Variants in C2CD3 observed in about 807,000 individuals in gnomAD.
C2CD3 encodes the protein C2 domain containing 3 centriole elongation regulator.
In C2CD3, 148 loss-of-function variants were observed where a neutral mutation model predicts 234.0. That is an observed-to-expected ratio of 0.63 (90% CI 0.55 to 0.72). The LOEUF is 0.72. C2CD3 is among the 30% of genes least tolerant of loss of function. C2CD3 has a pLI of 0.00. For synonymous variants in C2CD3, 1,000 were observed against 1,035.4 expected (o/e 0.97, Z 0.66); for missense variants, 2,577 against 2,811.5 (o/e 0.92, Z 1.89).
chr11:74,151,127 T>C (rs959991919), intron 3 of C2CD3, among the ~76,000 whole-genome samples: 2 of 152,062 alleles, frequency 1.3e-5, no homozygotes, highest in African/African-American at 4.8e-5. Flanking sequence ...GGTTTCACTA[T>C]ATTGGGCAGG....
intron 29 of C2CD3, among the ~76,000 whole-genome samples, chr11:74,039,701 G>A (rs1166008091): frequency 1.3e-5 from 2 of 152,174 alleles, no homozygotes; most frequent in African/African-American, 4.8e-5. Context: ...AGTGGGAGAG[G>A]GGTGCTACTG....
intron 7 of C2CD3, chr11:74,128,465 A>C (rs1228100905): frequency 6.6e-6 from 1 of 152,190 alleles, no homozygotes; most frequent in Non-Finnish European, 1.5e-5. Flanking sequence ...ATTCAAGGTC[A>C]CAGATTTACC....
At chr11:74,118,190 T>C in intron 9 of C2CD3, 38 bp downstream of exon 9, 1 of 1,561,652 alleles carries the variant, frequency 6.4e-7, no homozygotes, top group Non-Finnish European at 8.7e-7. Flanking sequence ...TAACATTCCT[T>C]TGTGTTTACC....
At chr11:74,091,020 G>A in intron 19 of C2CD3, 84 bp from the exon 20 acceptor site, 1 of 1,443,274 alleles carries the variant, frequency 6.9e-7, no homozygotes, top group African/African-American at 1.4e-5. Flanking sequence ...CAGGAAGGAT[G>A]GAAGAGGATT....
chr11:74,051,410 A>C (rs1376952683), intron 26 of C2CD3, among the ~76,000 whole-genome samples: 1 of 152,190 alleles, frequency 6.6e-6, no homozygotes, highest in African/African-American at 2.4e-5. Flanking sequence ...CTGGGGATGA[A>C]GTATGATGGA....
chr11:74,048,260 G>A lies in C2CD3; in HGVS notation c.5440C>T (p.Leu1814=), dbSNP rs777892438. ...GAGGAGGCATGAGCAAGTTGGTCTA[G>A]GGTCTGCCTTGCCATGTGGCTGGAG... ...AFSSHMARQT[L]DQLAHASSKE... The change falls in exon 28 of 33, where the codon CTA becomes TTA. Residue 1814 remains leucine (L), a synonymous_variant. Coordinates refer to ENST00000334126, the MANE Select transcript of C2CD3 (RefSeq NM_001286577.2). The A allele has an allele frequency of 6.2e-7, 1 of 1,613,756 alleles. No homozygotes were observed. The highest frequency in any genetic ancestry group is 8.5e-7 in the Non-Finnish European group (1 of 1,179,792).
chr11:74,069,079 T>C (rs144917990), intron 24 of C2CD3, among the ~76,000 whole-genome samples: 3,307 of 152,358 alleles, frequency 0.022, 67 homozygotes, highest in African/African-American at 0.046. Context: ...ATTACAGGCA[T>C]AAGCCACTGC....
chr11:74,041,903 G>A, intron 29 of C2CD3, 151 bp downstream of exon 29: 1 of 696,714 alleles, frequency 1.4e-6, no homozygotes, highest in East Asian at 2.7e-5. Context: ...GAGGCTCCAG[G>A]GTCCAACCTG....
At chr11:74,118,526 A>G (rs1230614283) in intron 8 of C2CD3, 144 bp from the exon 9 acceptor site, 2 of 565,250 alleles carry the variant, frequency 3.5e-6, no homozygotes, top group Non-Finnish European at 6.1e-6. Context: ...AGATAATCCC[A>G]TATTTCTCCT....
chr11:74,097,176 A>G (rs186551906), intron 16 of C2CD3, among the ~76,000 whole-genome samples: 22 of 152,206 alleles, frequency 1.4e-4, no homozygotes, highest in Middle Eastern at 3.4e-3. Flanking sequence ...CTAACAAATA[A>G]CTAAGAAAAA....
chr11:74,108,575 A>G (rs1232617807), intron 12 of C2CD3, among the ~76,000 whole-genome samples: 1 of 152,210 alleles, frequency 6.6e-6, no homozygotes, highest in Non-Finnish European at 1.5e-5. Flanking sequence ...AGGAAGTAGA[A>G]CCTCAAATTA....
intron 27 of C2CD3, among the ~76,000 whole-genome samples, chr11:74,048,606 A>C (rs898952688): frequency 1.1e-4 from 16 of 152,158 alleles, no homozygotes; most frequent in African/African-American, 2.9e-4. Flanking sequence ...TCCAGCTATT[A>C]ATACACTGTA....
At position 74,060,729 on chromosome 11, in the gene C2CD3, C is replaced by G. The variant is rs1474027893; in HGVS notation, c.4952-3185G>C. Reference sequence around the variant, plus strand: ...GAGCGCCTCTCCTCCTCCAAAGGAACACAGCTCTTCGCCAGCAACGGAACA... The same window carrying G: ...GAGCGCCTCTCCTCCTCCAAAGGAAGACAGCTCTTCGCCAGCAACGGAACA... On this transcript the variant is annotated intron_variant, in intron 24 of 32. Transcript: ENST00000334126. Among the ~76,000 whole-genome samples, 3 of 152,200 alleles carry G rather than the reference C, an allele frequency of 2.0e-5. No homozygotes were observed. In the South Asian group the frequency reaches 6.2e-4, roughly 32 times the overall value.
chr11:74,021,306 C>A (rs969587446), intron 32 of C2CD3, among the ~76,000 whole-genome samples: 5 of 152,180 alleles, frequency 3.3e-5, no homozygotes, highest in African/African-American at 1.2e-4. Context: ...TCAGCTGTAC[C>A]CTTTAATCGA....
chr11:74,074,316 C>T lies in C2CD3; in HGVS notation c.4888G>A (p.Asp1630Asn), dbSNP rs1378888609. The change falls in exon 24 of 33, where the codon GAT becomes AAT. Residue 1630 changes from aspartate (D) to asparagine (N), a missense_variant. By Grantham distance (23) the Asp-to-Asn change is conservative. Transcript: ENST00000334126. ...EVRLTQEGPA[D>N]LDGTFAVSIL... ...CTGACTGCAAACGTTCCATCCAAAT[C>T]AGCAGGGCCCTCCTGCGTCAGGCGG... 1 of 1,614,102 alleles carries T rather than the reference C, an allele frequency of 6.2e-7. No individual in the cohort carries two copies. Among genetic ancestry groups the T allele is most frequent in the Non-Finnish European group, 8.5e-7 (1 of 1,180,026 alleles).
At chr11:74,051,850 C>T (rs1298977686) in intron 26 of C2CD3, among the ~76,000 whole-genome samples, 2 of 152,164 alleles carry the variant, frequency 1.3e-5, no homozygotes, top group Non-Finnish European at 2.9e-5. Flanking sequence ...ATCCCTAGTA[C>T]TTAGCATGGT....
At chr11:74,077,073 CA>C (rs973361952) in intron 23 of C2CD3, among the ~76,000 whole-genome samples, 1 of 152,108 alleles carries the variant, frequency 6.6e-6, no homozygotes, top group Non-Finnish European at 1.5e-5. Flanking sequence ...ATGCCACCTG[CA>C]AAATGTTACC....
chr11:74,089,789 T>C (rs1380146614), intron 20 of C2CD3, among the ~76,000 whole-genome samples: 1 of 152,104 alleles, frequency 6.6e-6, no homozygotes, highest in Non-Finnish European at 1.5e-5. Flanking sequence ...ATGCCAATAA[T>C]TGAAACAGAA....
intron 26 of C2CD3, among the ~76,000 whole-genome samples, chr11:74,054,029 T>C (rs921787663): frequency 6.6e-6 from 1 of 151,996 alleles, no homozygotes; most frequent in Non-Finnish European, 1.5e-5. Context: ...TCCCAGCACT[T>C]TGGGAGGCCG....
Sources: gnomAD v4.1 joint callset for allele counts (sites outside exome capture counted in the v4.1 genomes callset) on GRCh38, gnomAD v4.1.1 for gene constraint, MANE v1.5 for transcripts, NCBI Gene and HGNC (gene_info 2026-07-23, HGNC 2026-07-21) for gene names.